Variants in RSU1 observed in about 807,000 individuals in gnomAD.
RSU1 encodes rsu-1.
In RSU1, 26 loss-of-function variants were observed where a neutral mutation model predicts 31.1. The observed-to-expected ratio is 0.84, with a 90% CI of 0.61 to 1.16. RSU1 has a LOEUF of 1.16. Among genes scored for constraint, RSU1 ranks in the 50% most tolerant of loss-of-function variants. RSU1 has a pLI of 0.00. For missense variants in RSU1, 320 were observed against 339.1 expected (o/e 0.94, Z 0.44); for synonymous variants, 164 against 136.3 (o/e 1.20, Z -1.41).
intron 8 of RSU1, among the ~76,000 whole-genome samples, chr10:16,630,443 G>A (rs1057395157): frequency 5.9e-5 from 9 of 152,064 alleles, no homozygotes; most frequent in South Asian, 2.1e-4. Flanking sequence ...AGGGTCTGTC[G>A]GCCTCTTTCT....
At chr10:16,773,679 CTT>C (rs1222306075) in intron 3 of RSU1, among the ~76,000 whole-genome samples, 1 of 152,146 alleles carries the variant, frequency 6.6e-6, no homozygotes, top group Non-Finnish European at 1.5e-5. Flanking sequence ...CAAATTCACT[CTT>C]TTCTCTTTCA....
At chr10:16,663,017 A>G (rs1368921250) in intron 8 of RSU1, among the ~76,000 whole-genome samples, 1 of 152,070 alleles carries the variant, frequency 6.6e-6, no homozygotes, top group Admixed American at 6.6e-5. Flanking sequence ...GATGAGAGCA[A>G]ATTTGCTCAG....
In RSU1 at chr10:16,593,111, G is replaced by C. The variant is rs1833539008; in HGVS notation, c.*283C>G. ...AAGCAACCTTGTGATATCTATTCAA[G>C]AAAAGCCAGAGCCCACTATGGAATT... On this transcript the variant is annotated 3_prime_UTR_variant, in exon 9 of 9. Coordinates refer to ENST00000345264, the MANE Select transcript of RSU1 (RefSeq NM_012425.4). 3.2e-6 allele frequency: 1 copy of C among 316,070 alleles called. No homozygotes were observed. The highest frequency in any genetic ancestry group is 7.7e-5 in the South Asian group (1 of 12,936). The allele number at this position is 316,070 out of a possible 1,614,324, so 19.6% of individuals were successfully genotyped here. A position where few individuals can be genotyped will look rare whatever the true frequency, so the allele number is the denominator to read the frequency against.
intron 8 of RSU1, among the ~76,000 whole-genome samples, chr10:16,638,242 C>T (rs1011587078): frequency 6.9e-6 from 1 of 144,396 alleles, no homozygotes; most frequent in Non-Finnish European, 1.6e-5. Context: ...TGATGTACAA[C>T]TGCATATCAG....
rs576697360 is a variant in RSU1 at position 16,697,350 on chromosome 10, G to C, written c.599-2195C>G. 1.1e-3 allele frequency among the ~76,000 whole-genome samples: 175 copies of C among 152,264 alleles called. 2 individuals are homozygous for C. Among genetic ancestry groups the C allele is most frequent in the Non-Finnish European group, 2.8e-4 (19 of 68,024 alleles). ...ACTATGAAAAAAATAAACTTGAGGT[G>C]TTTGGAAAAAATATGTGTATTCTTG... On this transcript the variant is annotated intron_variant, in intron 7 of 8. Coordinates refer to ENST00000345264, the MANE Select transcript of RSU1 (RefSeq NM_012425.4).
At chr10:16,598,576 G>C (rs1444981192) in intron 8 of RSU1, among the ~76,000 whole-genome samples, 1 of 152,146 alleles carries the variant, frequency 6.6e-6, no homozygotes, top group Non-Finnish European at 1.5e-5. Context: ...AAAACAGGCA[G>C]GGGGTCAAAG....
intron 8 of RSU1, among the ~76,000 whole-genome samples, chr10:16,608,373 T>G (rs1833839332): frequency 6.6e-6 from 1 of 152,148 alleles, no homozygotes; most frequent in Non-Finnish European, 1.5e-5. Context: ...AGAGTAATGA[T>G]ATTTTAAAAA....
At chr10:16,736,587 C>T (rs1836632813) in intron 7 of RSU1, among the ~76,000 whole-genome samples, 1 of 151,666 alleles carries the variant, frequency 6.6e-6, no homozygotes, top group Non-Finnish European at 1.5e-5. Context: ...TTCATACAAC[C>T]AAAAATGTAC....
At chr10:16,803,233 T>C (rs1407204274) in intron 2 of RSU1, among the ~76,000 whole-genome samples, 2 of 152,034 alleles carry the variant, frequency 1.3e-5, no homozygotes, top group South Asian at 4.1e-4. Flanking sequence ...AAAATAGAAT[T>C]TTACATTAAA....
intron 8 of RSU1, among the ~76,000 whole-genome samples, chr10:16,638,569 T>C (rs1271815205): frequency 6.6e-6 from 1 of 152,188 alleles, no homozygotes; most frequent in Non-Finnish European, 1.5e-5. Context: ...CACAGGGGGC[T>C]CTTTGAGAGG....
intron 4 of RSU1, among the ~76,000 whole-genome samples, chr10:16,763,005 A>C (rs1837239866): frequency 6.6e-6 from 1 of 152,004 alleles, no homozygotes; most frequent in African/African-American, 2.4e-5. Flanking sequence ...CAAAAAAAAA[A>C]AAACAAAAAC....
chr10:16,724,890 A>G (rs1836352241), intron 7 of RSU1, among the ~76,000 whole-genome samples: 1 of 152,218 alleles, frequency 6.6e-6, no homozygotes, highest in East Asian at 1.9e-4. Flanking sequence ...GATCAATCTC[A>G]AGAAGCAATG....
chr10:16,617,907 C>T (rs1467658957), intron 8 of RSU1, among the ~76,000 whole-genome samples: 1 of 152,224 alleles, frequency 6.6e-6, no homozygotes, highest in East Asian at 1.9e-4. Context: ...CAATTCCATT[C>T]AGGACATAGG....
intron 8 of RSU1, among the ~76,000 whole-genome samples, chr10:16,601,914 C>T (rs935605256): frequency 1.6e-4 from 24 of 152,114 alleles, no homozygotes; most frequent in Non-Finnish European, 5.9e-5. Context: ...GGGGAGTATT[C>T]GCTCATTATC....
At position 16,817,216 on chromosome 10, in the gene RSU1, C is replaced by T. The variant is rs1362979238; in HGVS notation, c.-4+99G>A. The T allele has an allele frequency of 1.4e-5, 8 of 572,882 alleles. No individual in the cohort carries two copies. In the East Asian group the frequency reaches 2.4e-4, roughly 17 times the overall value. 35.5% of individuals were successfully genotyped at this position (572,882 alleles called of 1,614,324 possible). Reference sequence around the variant, plus strand: ...TGGGCGTCCGAGGGCGTCCCAGGGGCTGGTCCGGGTGCGGGGAGGGGATGG... The same window carrying T: ...TGGGCGTCCGAGGGCGTCCCAGGGGTTGGTCCGGGTGCGGGGAGGGGATGG... On this transcript the variant is annotated intron_variant, in intron 1 of 8. Coordinates refer to ENST00000345264, the MANE Select transcript of RSU1 (RefSeq NM_012425.4).
chr10:16,787,079 G>T (rs1837806262), intron 2 of RSU1, among the ~76,000 whole-genome samples: 1 of 152,202 alleles, frequency 6.6e-6, no homozygotes, highest in East Asian at 1.9e-4. Context: ...TTTCTGCCCA[G>T]GCTCTCCTGA....
At chr10:16,651,594 C>T (rs75692315) in intron 8 of RSU1, among the ~76,000 whole-genome samples, 6,545 of 152,120 alleles carry the variant, frequency 0.043, 486 homozygotes, top group African/African-American at 0.15. Context: ...AAAGCAAAAT[C>T]GAAGAGGTGT....
At chr10:16,604,835 C>T (rs1345988415) in intron 8 of RSU1, among the ~76,000 whole-genome samples, 2 of 152,138 alleles carry the variant, frequency 1.3e-5, no homozygotes, top group Admixed American at 6.5e-5. Context: ...CACACAAGCA[C>T]GGGGCCAACA....
At chr10:16,657,376 T>C (rs541857181) in intron 8 of RSU1, among the ~76,000 whole-genome samples, 1 of 152,288 alleles carries the variant, frequency 6.6e-6, no homozygotes, top group Non-Finnish European at 1.5e-5. Context: ...GTAGTAAGAG[T>C]ATGTACGAAT....
Sources: gnomAD v4.1 joint callset for allele counts (sites outside exome capture counted in the v4.1 genomes callset) on GRCh38, gnomAD v4.1.1 for gene constraint, MANE v1.5 for transcripts, NCBI Gene and HGNC (gene_info 2026-07-23, HGNC 2026-07-21) for gene names.